The following VWA8 variants were observed in gnomAD, a reference collection of about 807,000 sequenced individuals.
VWA8 encodes von Willebrand factor A domain-containing protein 8.
A neutral mutation model predicts 241.5 loss-of-function variants in VWA8; 221 were observed. That is an observed-to-expected ratio of 0.91 (90% confidence interval 0.82 to 1.02). The LOEUF (loss-of-function observed/expected upper bound fraction) is 1.02. Ranked by LOEUF, VWA8 falls within the 50% of genes least tolerant of loss-of-function variation. VWA8 has a pLI of 0.00. For synonymous variants in VWA8, 852 were observed against 827.1 expected, an observed-to-expected ratio of 1.03 and a Z score of -0.52; for missense variants, 2,322 against 2,328.7, an observed-to-expected ratio of 1.00 and a Z score of 0.06.
chr13:41,880,885 A>T (rs1874137612), intron 9 of VWA8, among the ~76,000 whole-genome samples: 1 of 152,164 alleles, frequency 6.6e-6, no homozygotes, highest in African/African-American at 2.4e-5. Flanking sequence ...GATTATGTCA[A>T]TACCCTGTGT....
intron 18 of VWA8, among the ~76,000 whole-genome samples, chr13:41,786,247 A>G (rs1364979575): frequency 6.6e-6 from 1 of 152,162 alleles, no homozygotes; most frequent in Non-Finnish European, 1.5e-5. Context: ...CAGAATTGCA[A>G]AATATTATAT....
chr13:41,582,647 T>C (rs2044390730), intron 42 of VWA8, among the ~76,000 whole-genome samples: 1 of 152,212 alleles, frequency 6.6e-6, no homozygotes, highest in South Asian at 2.1e-4. Context: ...CTGAGTAAAT[T>C]AAATCCTTTT....
At chr13:41,867,519 CA>C (rs1353783869) in intron 10 of VWA8, among the ~76,000 whole-genome samples, 2 of 152,128 alleles carry the variant, frequency 1.3e-5, no homozygotes, top group East Asian at 3.9e-4. Flanking sequence ...TTCTAATCTA[CA>C]AAATGGAGAT....
intron 17 of VWA8, among the ~76,000 whole-genome samples, chr13:41,809,474 G>T (rs986971296): frequency 1.3e-5 from 2 of 152,114 alleles, no homozygotes; most frequent in African/African-American, 4.8e-5. Flanking sequence ...ACTCATTCTT[G>T]ACAAATGTGT....
intron 37 of VWA8, among the ~76,000 whole-genome samples, chr13:41,639,411 G>A (rs866599439): frequency 2.0e-4 from 30 of 152,220 alleles, no homozygotes; most frequent in African/African-American, 4.6e-4. Context: ...CAAAAGATGC[G>A]TTCATTTGTC....
chr13:41,907,471 G>T, intron 4 of VWA8, 115 bp downstream of exon 4: 1 of 812,920 alleles, frequency 1.2e-6, no homozygotes, highest in Non-Finnish European at 2.0e-6. Flanking sequence ...TGTCTAGAGA[G>T]AGCACAATAC....
intron 43 of VWA8, among the ~76,000 whole-genome samples, chr13:41,573,108 CAAAAAAA>C (rs71086585): frequency 9.7e-5 from 7 of 72,410 alleles, no homozygotes; most frequent in African/African-American, 2.8e-4. Flanking sequence ...GACACCGTTT[CAAAAAAA>C]AAAAAAAAAA....
intron 21 of VWA8, among the ~76,000 whole-genome samples, chr13:41,741,251 T>C (rs1267785181): frequency 6.6e-6 from 1 of 152,212 alleles, no homozygotes; most frequent in Non-Finnish European, 1.5e-5. Flanking sequence ...TTCTCAATGC[T>C]TGCTGAGATG....
rs577999359 is a variant in VWA8 at position 41,714,618 on chromosome 13, G to A, written c.3116+4973C>T. 7.2e-5 allele frequency among the ~76,000 whole-genome samples: 11 copies of A among 151,912 alleles called. No homozygotes were observed. In the South Asian group the frequency reaches 2.3e-3, roughly 32 times the overall value. ...AAGGTAGTCATACAAAGTTTTCTAA[G>A]GTTTTTATTTTTCTAAGTGAATCAC... On this transcript the variant is annotated intron_variant, in intron 26 of 44. Coordinates refer to ENST00000379310, the MANE Select transcript of VWA8 (RefSeq NM_015058.2).
At chr13:41,906,156 TA>T (rs1875705968) in intron 4 of VWA8, among the ~76,000 whole-genome samples, 1 of 152,144 alleles carries the variant, frequency 6.6e-6, no homozygotes, top group African/African-American at 2.4e-5. Context: ...CTTTTGTAAT[TA>T]ATAAGTAACA....
intron 2 of VWA8, among the ~76,000 whole-genome samples, chr13:41,922,048 C>G (rs1176108828): frequency 6.6e-6 from 1 of 152,176 alleles, no homozygotes; most frequent in Non-Finnish European, 1.5e-5. Context: ...TACAAGGCTA[C>G]AGGAACCAAA....
rs1460040345 is a variant in VWA8, at chr13:41,886,041, T to C, written c.867-13A>G. 2 of 1,514,902 alleles carry C rather than the reference T, an allele frequency of 1.3e-6. No homozygotes were observed. The highest frequency in any genetic ancestry group is 8.9e-7 in the Non-Finnish European group (1 of 1,120,916). 93.8% of individuals were successfully genotyped at this position (1,514,902 alleles called of 1,614,324 possible). ...GAGCTGAGAAACTCTAAGGGAAAAA[T>C]GATATTAAATTTTAATAGTTTTAAA... On this transcript the variant is annotated splice_polypyrimidine_tract_variant and intron_variant, in intron 7 of 44. Coordinates refer to ENST00000379310, the MANE Select transcript of VWA8 (RefSeq NM_015058.2).
chr13:41,662,701 G>T (rs35537066), intron 37 of VWA8, among the ~76,000 whole-genome samples: 2,888 of 150,234 alleles, frequency 0.019, 53 homozygotes, highest in African/African-American at 0.052. Context: ...ATTTTATTAT[G>T]ATTATACTTT....
intron 21 of VWA8, among the ~76,000 whole-genome samples, chr13:41,748,917 T>G (rs981903984): frequency 8.6e-5 from 13 of 151,984 alleles, no homozygotes; most frequent in African/African-American, 3.1e-4. Flanking sequence ...TAGAAGAAAA[T>G]CTAGGCAGTA....
At chr13:41,628,851 G>A (rs569566111) in intron 37 of VWA8, among the ~76,000 whole-genome samples, 1 of 152,214 alleles carries the variant, frequency 6.6e-6, no homozygotes, top group Admixed American at 6.5e-5. Context: ...GACCATCCTC[G>A]CCAACATGGT....
chr13:41,898,344 C>T (rs1593854480), intron 4 of VWA8, among the ~76,000 whole-genome samples: 1 of 146,764 alleles, frequency 6.8e-6, no homozygotes, highest in Non-Finnish European at 1.5e-5. Context: ...AATCCCTGAG[C>T]TAGACACAGG....
At chr13:41,715,485 G>T (rs998626406) in intron 26 of VWA8, among the ~76,000 whole-genome samples, 2 of 151,826 alleles carry the variant, frequency 1.3e-5, no homozygotes, top group African/African-American at 4.8e-5. Flanking sequence ...CAGTATAGCA[G>T]ATTTCATAAA....
intron 4 of VWA8, among the ~76,000 whole-genome samples, chr13:41,901,737 G>A (rs1337536625): frequency 2.7e-5 from 4 of 150,686 alleles, no homozygotes; most frequent in South Asian, 2.1e-4. Context: ...GTGATGGTGC[G>A]CACCTGTAGT....
chr13:41,714,541 T>G (rs1389157757), intron 26 of VWA8, among the ~76,000 whole-genome samples: 2 of 151,980 alleles, frequency 1.3e-5, no homozygotes, highest in East Asian at 1.9e-4. Context: ...GTCTATAAAT[T>G]TCTTTTGTGT....
Sources: allele counts gnomAD v4.1 joint callset (sites outside exome capture counted in the v4.1 genomes callset), GRCh38; gene constraint gnomAD v4.1.1; transcripts MANE v1.5; gene names NCBI Gene and HGNC (gene_info 2026-07-23, HGNC 2026-07-21).